Variants in SPRR2G observed in about 807,000 individuals in gnomAD.
The protein encoded by SPRR2G is small proline-rich protein 2G.
A neutral mutation model predicts 0.7 loss-of-function variants in SPRR2G; 1 was observed. The observed-to-expected ratio is 1.49, with a 90% CI of 0.53 to 7.06. SPRR2G has a LOEUF of 7.06. SPRR2G is among the 30% of genes most tolerant of loss of function. The pLI is 0.14. For synonymous variants in SPRR2G, 38 were observed against 33.9 expected, an observed-to-expected ratio of 1.12 and a Z score of -0.42; for missense variants, 96 against 88.5, an observed-to-expected ratio of 1.09 and a Z score of -0.34.
chr1:153,159,034 A>T, the SPRR2G span, among the ~76,000 whole-genome samples: 3 of 152,312 alleles, frequency 2.0e-5, no homozygotes, highest in East Asian at 1.9e-4. Context: ...CTCTGTGCCT[A>T]TGATGGGAGG....
chr1:153,167,802 G>C, the SPRR2G span, among the ~76,000 whole-genome samples: 3 of 152,046 alleles, frequency 2.0e-5, no homozygotes, highest in African/African-American at 7.2e-5. Flanking sequence ...ATTGTCATTT[G>C]GACCAAAAGT....
intron 1 of SPRR2G, among the ~76,000 whole-genome samples, chr1:153,150,536 A>G (rs1656444678): frequency 6.6e-6 from 1 of 152,152 alleles, no homozygotes; most frequent in Non-Finnish European, 1.5e-5. Context: ...AGAGAATTGC[A>G]AAAACTTGCA....
At chr1:153,175,025 T>G in the SPRR2G span, among the ~76,000 whole-genome samples, 9 of 152,212 alleles carry the variant, frequency 5.9e-5, no homozygotes, top group Non-Finnish European at 1.3e-4. Flanking sequence ...TGTTGACTGC[T>G]AAGATGTTAT....
At chr1:153,172,852 C>T in the SPRR2G span, among the ~76,000 whole-genome samples, 9 of 152,168 alleles carry the variant, frequency 5.9e-5, no homozygotes, top group African/African-American at 2.2e-4. Context: ...GGCTAGCCTT[C>T]ATCTGGGCCG....
chr1:153,176,962 C>T, the SPRR2G span, among the ~76,000 whole-genome samples: 1 of 152,116 alleles, frequency 6.6e-6, no homozygotes, highest in Non-Finnish European at 1.5e-5. Flanking sequence ...AGAATATTTC[C>T]AATGCCCCCT....
chr1:153,162,201 C>T, the SPRR2G span, among the ~76,000 whole-genome samples: 8 of 152,158 alleles, frequency 5.3e-5, no homozygotes, highest in Non-Finnish European at 1.0e-4. Flanking sequence ...TTGTTCCCCT[C>T]TATGTGTCCA....
At chr1:153,179,043 A>G in the SPRR2G span, among the ~76,000 whole-genome samples, 2 of 152,210 alleles carry the variant, frequency 1.3e-5, no homozygotes, top group Non-Finnish European at 2.9e-5. Context: ...GACTCAATTT[A>G]TGTGATTGCA....
the SPRR2G span, among the ~76,000 whole-genome samples, chr1:153,186,800 T>G: frequency 6.6e-6 from 1 of 152,186 alleles, no homozygotes; most frequent in South Asian, 2.1e-4. Flanking sequence ...GTGTCGTTGG[T>G]CTTTATATTT....
upstream of SPRR2G, chr1:153,151,006 C>T (rs529132091): frequency 6.6e-5 from 10 of 152,374 alleles, no homozygotes; most frequent in Admixed American, 6.5e-4. Flanking sequence ...GCATGTAATC[C>T]ATGCTGGTAT....
the SPRR2G span, among the ~76,000 whole-genome samples, chr1:153,164,303 G>C: frequency 6.6e-6 from 1 of 152,186 alleles, no homozygotes; most frequent in Admixed American, 6.5e-5. Context: ...AGGACCATGA[G>C]GCCAGGAAGA....
the SPRR2G span, among the ~76,000 whole-genome samples, chr1:153,169,028 C>T: frequency 4.6e-5 from 7 of 152,108 alleles, no homozygotes; most frequent in Non-Finnish European, 8.8e-5. Context: ...TGGACCCGCT[C>T]TTGGCCAAGG....
the SPRR2G span, among the ~76,000 whole-genome samples, chr1:153,172,167 C>T: frequency 5.3e-5 from 8 of 152,162 alleles, no homozygotes; most frequent in African/African-American, 1.9e-4. Context: ...CACCTCTCAC[C>T]TTCCAGGGTC....
the SPRR2G span, among the ~76,000 whole-genome samples, chr1:153,159,967 A>G: frequency 6.6e-6 from 1 of 152,370 alleles, no homozygotes; most frequent in South Asian, 2.1e-4. Context: ...CATATCAACC[A>G]GATTGTTAAC....
Position 153,149,738 on chromosome 1 carries a change from A to G in SPRR2G, c.*151T>C, listed in dbSNP as rs1656416842. ...TTCCAACAACATATCGGTTTTCAGA[A>G]CTAAGCCTTTTCTCTGTCAACGCTC... On this transcript the variant is annotated 3_prime_UTR_variant, in exon 2 of 2. Transcript: ENST00000368748. 7 of 991,606 alleles carry G rather than the reference A, an allele frequency of 7.1e-6. No homozygotes were observed. The highest frequency in any genetic ancestry group is 1.1e-5 in the Non-Finnish European group (7 of 662,426). 61.4% of individuals were successfully genotyped at this position (991,606 alleles called of 1,614,324 possible). A position where few individuals can be genotyped will look rare whatever the true frequency, so the allele number is the denominator to read the frequency against.
At chr1:153,179,350 G>C in the SPRR2G span, among the ~76,000 whole-genome samples, 1 of 152,124 alleles carries the variant, frequency 6.6e-6, no homozygotes, top group South Asian at 2.1e-4. Flanking sequence ...CACGTCAAAA[G>C]ACCATCACAG....
chr1:153,186,679 G>C, the SPRR2G span, among the ~76,000 whole-genome samples: 1 of 151,998 alleles, frequency 6.6e-6, no homozygotes, highest in African/African-American at 2.4e-5. Flanking sequence ...CTTGTAATTG[G>C]GGCATTTAGC....
chr1:153,166,207 C>A, the SPRR2G span, among the ~76,000 whole-genome samples: 1 of 152,118 alleles, frequency 6.6e-6, no homozygotes, highest in Non-Finnish European at 1.5e-5. Flanking sequence ...TGTGTCTGGG[C>A]AGAGATTTTC....
chr1:153,156,920 T>C, the SPRR2G span, among the ~76,000 whole-genome samples: 1 of 152,206 alleles, frequency 6.6e-6, no homozygotes, highest in South Asian at 2.1e-4. Flanking sequence ...CTAATATTTC[T>C]TCTGAATGTC....
At chr1:153,162,599 C>A in the SPRR2G span, among the ~76,000 whole-genome samples, 2 of 149,400 alleles carry the variant, frequency 1.3e-5, no homozygotes, top group African/African-American at 4.9e-5. Flanking sequence ...GGCCCAAGAC[C>A]CTGGCCTTAG....
Sources: allele counts gnomAD v4.1 joint callset (sites outside exome capture counted in the v4.1 genomes callset), GRCh38; gene constraint gnomAD v4.1.1; transcripts MANE v1.5; gene names NCBI Gene and HGNC (gene_info 2026-07-23, HGNC 2026-07-21).